TDRD10: variants seen among roughly 807,000 people sequenced by gnomAD.
TDRD10 encodes tudor domain containing 10.
In TDRD10, 40 loss-of-function variants were observed where a neutral mutation model predicts 48.0. That is an observed-to-expected ratio of 0.83 (90% CI 0.65 to 1.09). The LOEUF (loss-of-function observed/expected upper bound fraction) is 1.09, where lower values mean the gene tolerates loss of function less well. Ranked by LOEUF, TDRD10 falls within the 50% of genes least tolerant of loss-of-function variation. The probability of loss-of-function intolerance (pLI) is 0.00; values close to 1 mark genes in which losing one functional copy is unlikely to be tolerated. For missense variants in TDRD10, 378 were observed against 434.7 expected (o/e 0.87, Z 1.16); for synonymous variants, 162 against 170.4 (o/e 0.95, Z 0.38).
At chr1:154,539,588 C>T (rs1269865636) in intron 6 of TDRD10, among the ~76,000 whole-genome samples, 1 of 152,206 alleles carries the variant, frequency 6.6e-6, no homozygotes. Flanking sequence ...GCTGGGATTA[C>T]AGGCGTGAGC....
chr1:154,533,814 C>A (rs1321428816), intron 6 of TDRD10, among the ~76,000 whole-genome samples: 3 of 151,420 alleles, frequency 2.0e-5, no homozygotes, highest in Non-Finnish European at 4.4e-5. Context: ...TGGCCTCAAG[C>A]AATCCTCCTG....
intron 4 of TDRD10, among the ~76,000 whole-genome samples, chr1:154,518,491 G>A (rs1191070879): frequency 1.3e-5 from 2 of 151,910 alleles, no homozygotes; most frequent in Non-Finnish European, 2.9e-5. Context: ...GCAGTGGTGC[G>A]ATCTCGGTTC....
chr1:154,505,543 G>T (rs1693100131), intron 1 of TDRD10, among the ~76,000 whole-genome samples: 1 of 152,054 alleles, frequency 6.6e-6, no homozygotes, highest in South Asian at 2.1e-4. Context: ...CTACACCTGG[G>T]AATAATTTAG....
At position 154,529,102 on chromosome 1, in the gene TDRD10, G is replaced by A. The variant is rs570790454; in HGVS notation, c.369+7623G>A. ...TATAATGTTGTTTTTTTTTTGAGAC[G>A]GAGTTTTGCTCTTGTTACCCAGGCT... On this transcript the variant is annotated intron_variant, in intron 6 of 12. Coordinates refer to ENST00000368482, the MANE Select transcript of TDRD10 (RefSeq NM_182499.4). 2.6e-5 allele frequency among the ~76,000 whole-genome samples: 4 copies of A among 151,024 alleles called. No homozygotes were observed. The South Asian group carries it at 8.3e-4, about 31-fold the overall frequency.
chr1:154,507,978 C>T (rs181100182), intron 3 of TDRD10, among the ~76,000 whole-genome samples: 19 of 152,292 alleles, frequency 1.2e-4, no homozygotes, highest in South Asian at 2.1e-4. Flanking sequence ...CCGTGGGTCC[C>T]GAAACACTTC....
At position 154,542,768 on chromosome 1, in the gene TDRD10, G is replaced by A. The variant is rs1234604701; in HGVS notation, c.450G>A (p.Leu150=). 6 of 1,613,930 alleles carry A rather than the reference G, an allele frequency of 3.7e-6. No individual in the cohort carries two copies. Among genetic ancestry groups the A allele is most frequent in the Non-Finnish European group, 5.1e-6 (6 of 1,179,908 alleles). The change falls in exon 8 of 13, where the codon CTG becomes CTA. Residue 150 remains leucine (L), a synonymous_variant. Transcript: ENST00000368482. ...IQLAPKAPVD[L]CETEKLRAAF... ...TCGCTCCTAAAGCTCCTGTTGACCT[G>A]TGTGAGACAGAGAAACTGAGGGCAG...
intron 6 of TDRD10, among the ~76,000 whole-genome samples, chr1:154,537,450 A>G (rs1694981757): frequency 6.6e-6 from 1 of 152,250 alleles, no homozygotes. Flanking sequence ...AAGAATGAGA[A>G]GGAAGCAGTT....
intron 4 of TDRD10, among the ~76,000 whole-genome samples, chr1:154,518,864 C>T (rs189885855): frequency 1.5e-4 from 23 of 152,198 alleles, no homozygotes; most frequent in African/African-American, 5.5e-4. Flanking sequence ...GGATTTGGCC[C>T]AAGGTTATGG....
rs559924225 is a variant in TDRD10 at position 154,545,927 on chromosome 1, ATTTT to A, written c.952+1002_952+1005del. ...AGGCACGCACCACCACACCCAGCTA[ATTTT>A]TTTTTTTTTTTTTTTTTTTTTTTAG... On this transcript the variant is annotated intron_variant, in intron 11 of 12. Coordinates refer to ENST00000368482, the MANE Select transcript of TDRD10 (RefSeq NM_182499.4). Among the ~76,000 whole-genome samples the A allele has an allele frequency of 1.6e-3, 140 of 85,496 alleles. 2 individuals are homozygous for A. Among genetic ancestry groups the A allele is most frequent in the Admixed American group, 0.012 (91 of 7,900 alleles). 56.1% of individuals were successfully genotyped at this position (85,496 alleles called of 152,430 possible). A position where few individuals can be genotyped will look rare whatever the true frequency, so the allele number is the denominator to read the frequency against.
chr1:154,515,614 G>A (rs1267683816), intron 4 of TDRD10, among the ~76,000 whole-genome samples: 3 of 152,154 alleles, frequency 2.0e-5, no homozygotes, highest in Non-Finnish European at 4.4e-5. Context: ...GGCCCTCCCC[G>A]GCTCTTCTCC....
intron 1 of TDRD10, among the ~76,000 whole-genome samples, chr1:154,503,368 A>G (rs1692924740): frequency 6.6e-6 from 1 of 152,124 alleles, no homozygotes; most frequent in Non-Finnish European, 1.5e-5. Context: ...CGGGCAGATC[A>G]CCTGAGATCA....
chr1:154,507,232 G>C lies in TDRD10; in HGVS notation c.3-9G>C. The C allele has an allele frequency of 6.2e-7, 1 of 1,613,968 alleles. No homozygotes were observed. The highest frequency in any genetic ancestry group is 2.2e-5 in the East Asian group (1 of 44,874). Reference sequence around the variant, plus strand: ...TGGGAGGTTCGATGCTGACACCTGTGTTTGACAGGTCCTGGAACATTAGTC... The same window carrying C: ...TGGGAGGTTCGATGCTGACACCTGTCTTTGACAGGTCCTGGAACATTAGTC... On this transcript the variant is annotated splice_polypyrimidine_tract_variant and intron_variant, in intron 2 of 12. Transcript: ENST00000368482.
In TDRD10 at chr1:154,502,947, C is replaced by G. The variant is rs1371066654; in HGVS notation, c.-110C>G. On this transcript the variant is annotated 5_prime_UTR_variant, in exon 1 of 13. Transcript: ENST00000368482. ...AAGCCCCGCCCCGTGCCCCCGGGCT[C>G]AGAGGGGGCGGAGCGCGGAGGGAGA... 1 of 152,436 alleles carries G rather than the reference C, an allele frequency of 6.6e-6. No homozygotes were observed. Among genetic ancestry groups the G allele is most frequent in the Non-Finnish European group, 1.5e-5 (1 of 68,222 alleles). The allele number at this position is 152,436 out of a possible 1,614,324, so 9.4% of individuals were successfully genotyped here. A position where few individuals can be genotyped will look rare whatever the true frequency, so the allele number is the denominator to read the frequency against.
intron 2 of TDRD10, 24 bp from the exon 3 acceptor site, chr1:154,507,217 G>A (rs775611605): frequency 1.7e-5 from 27 of 1,613,610 alleles, no homozygotes; most frequent in Non-Finnish European, 2.2e-5. Context: ...TGGGAGGTTC[G>A]ATGCTGACAC....
intron 1 of TDRD10, 51 bp downstream of exon 1, chr1:154,503,080 G>C (rs1275564413): frequency 6.6e-6 from 1 of 152,130 alleles, no homozygotes; most frequent in Non-Finnish European, 1.5e-5. Flanking sequence ...GGTTGGGAGG[G>C]AGGGGCGTCG....
chr1:154,513,595 G>A (rs1326396345), intron 4 of TDRD10, among the ~76,000 whole-genome samples: 1 of 152,110 alleles, frequency 6.6e-6, no homozygotes, highest in Non-Finnish European at 1.5e-5. Flanking sequence ...ACTAATTTTA[G>A]CCTCACTAAA....
chr1:154,521,191 G>A (rs1284316180), intron 5 of TDRD10, 132 bp from the exon 6 acceptor site: 4 of 880,480 alleles, frequency 4.5e-6, no homozygotes, highest in Non-Finnish European at 5.4e-6. Flanking sequence ...TAGCTTGCTT[G>A]TGAACAGTTC....
chr1:154,528,808 T>G (rs1311857668), intron 6 of TDRD10, among the ~76,000 whole-genome samples: 3 of 69,292 alleles, frequency 4.3e-5, no homozygotes, highest in South Asian at 1.1e-3. Context: ...AGAGTAAGAC[T>G]CTGTCTCAAA....
At chr1:154,521,625 T>G in intron 6 of TDRD10, 146 bp downstream of exon 6, 1 of 870,472 alleles carries the variant, frequency 1.1e-6, no homozygotes, top group South Asian at 1.8e-5. Context: ...CAGGGAACTT[T>G]TATGACCTTT....
Sources: gnomAD v4.1 joint callset for allele counts (sites outside exome capture counted in the v4.1 genomes callset) on GRCh38, gnomAD v4.1.1 for gene constraint, MANE v1.5 for transcripts, NCBI Gene and HGNC (gene_info 2026-07-23, HGNC 2026-07-21) for gene names.